XPO7: variants seen among roughly 807,000 people sequenced by gnomAD.
XPO7 encodes exportin 7.
XPO7 carries 21 observed loss-of-function variants against 144.3 expected under a neutral mutation model. That is an observed-to-expected ratio of 0.15 (90% CI 0.10 to 0.21). The LOEUF is 0.21. Among genes scored for constraint, XPO7 ranks in the 10% least tolerant of loss-of-function variants. XPO7 has a pLI of 1.00. For synonymous variants in XPO7, 580 were observed against 499.6 expected (o/e 1.16, Z -2.15); for missense variants, 808 against 1,325.8 (o/e 0.61, Z 6.06).
chr8:21,933,866 A>G (rs1810734963), intron 1 of XPO7, among the ~76,000 whole-genome samples: 1 of 152,184 alleles, frequency 6.6e-6, no homozygotes. Flanking sequence ...AGTAAAAAGA[A>G]TTTATACCCC....
intron 1 of XPO7, chr8:21,921,776 G>T (rs1810296696): frequency 6.6e-6 from 1 of 152,210 alleles, no homozygotes; most frequent in African/African-American, 2.4e-5. Context: ...GCTGCAATCT[G>T]TTGGTCTAAA....
At chr8:21,950,981 AGTTGGG>A (rs1811351207) in intron 1 of XPO7, among the ~76,000 whole-genome samples, 1 of 151,906 alleles carries the variant, frequency 6.6e-6, no homozygotes, top group South Asian at 2.1e-4. Context: ...AAAAAAAATT[AGTTGGG>A]CGCGGTAGTG....
intron 1 of XPO7, among the ~76,000 whole-genome samples, chr8:21,932,977 G>A (rs1006788834): frequency 3.5e-4 from 53 of 152,140 alleles, no homozygotes; most frequent in Non-Finnish European, 2.2e-4. Flanking sequence ...GTGTTTCTAC[G>A]GGCAAGGAAA....
chr8:21,998,836 T>C lies in XPO7; in HGVS notation c.2427T>C (p.Tyr809=), dbSNP rs1237545566. 5 of 1,613,844 alleles carry C rather than the reference T, an allele frequency of 3.1e-6. No individual in the cohort carries two copies. The South Asian group carries it at 3.3e-5, about 11-fold the overall frequency. Residue 809 remains tyrosine, a splice_region_variant and synonymous_variant, in exon 22 of 28, where the codon TAT becomes TAC. Coordinates refer to ENST00000252512, the MANE Select transcript of XPO7 (RefSeq NM_015024.5). ...AAACCAGCAAGATGATAACAATGTATGGTAAGTGCTTCAGATAATCATGCC... is the reference window on the plus strand; with the variant it reads ...AAACCAGCAAGATGATAACAATGTACGGTAAGTGCTTCAGATAATCATGCC... ...FRETSKMITM[Y]GNRILTLGEV... is the part of the protein sequence containing the mutation.
chr8:21,965,478 T>G (rs1811852964), intron 1 of XPO7, among the ~76,000 whole-genome samples: 1 of 152,222 alleles, frequency 6.6e-6, no homozygotes, highest in Non-Finnish European at 1.5e-5. Context: ...AGAGATTAAG[T>G]GGGACCCCTG....
chr8:21,999,282 T>C lies in XPO7; in HGVS notation c.2620T>C (p.Ser874Pro), dbSNP rs1157200640. ...ALQTFIKLLL[S>P]IPHSDLLDYP... ...GCAGACCTTCATCAAGCTGCTCCTC[T>C]CTATTCCTCACAGTGATCTCTTGGT... Residue 874 changes from serine to proline, a missense_variant, in exon 23 of 28, where the codon TCT becomes CCT. By Grantham distance (74) the Ser-to-Pro change is moderately conservative (BLOSUM62 -1). This residue lies in a region of XPO7 where 416 missense variants were observed against 612.5 expected (regional missense o/e 0.68). Transcript: ENST00000252512. 1.2e-6 allele frequency: 2 copies of C among 1,613,080 alleles called. No individual in the cohort carries two copies.
intron 16 of XPO7, among the ~76,000 whole-genome samples, chr8:21,989,514 A>G (rs943149198): frequency 2.0e-5 from 3 of 152,322 alleles, no homozygotes; most frequent in East Asian, 3.9e-4. Context: ...TAGGTCTGCT[A>G]TAAAGTTTGA....
chr8:21,928,611 T>G (rs1810538807), intron 1 of XPO7, among the ~76,000 whole-genome samples: 1 of 152,242 alleles, frequency 6.6e-6, no homozygotes, highest in African/African-American at 2.4e-5. Flanking sequence ...AGTTTGTACT[T>G]CTTTGATGAC....
chr8:21,991,907 T>G lies in XPO7; in HGVS notation c.2081T>G (p.Leu694Arg). The G allele has an allele frequency of 6.2e-7, 1 of 1,613,530 alleles. No homozygotes were observed. Among genetic ancestry groups the G allele is most frequent in the Non-Finnish European group, 8.5e-7 (1 of 1,179,780 alleles). ...EDQYEQFMLP[L>R]TAAFEAVAQM... ...CAGTATGAGCAGTTCATGCTGCCAC[T>G]CACAGCAGCATTTGAGGCTGTGGCC... The change falls in exon 19 of 28, where the codon CTC (leucine) becomes CGC (arginine). Residue 694 changes from leucine (L) to arginine (R), a missense_variant. Physicochemically the swap from Leu to Arg is moderately radical, Grantham distance 102 (BLOSUM62 -2). Transcript: ENST00000252512.
At chr8:21,935,740 T>C (rs1048820621) in intron 1 of XPO7, among the ~76,000 whole-genome samples, 7 of 152,230 alleles carry the variant, frequency 4.6e-5, no homozygotes, top group African/African-American at 1.2e-4. Flanking sequence ...AGTTTTCTTA[T>C]ATATAAAATG....
Position 21,982,796 on chromosome 8 carries a change from G to C in XPO7, c.1261G>C (p.Val421Leu). 1 of 1,608,002 alleles carries C rather than the reference G, an allele frequency of 6.2e-7. No individual in the cohort carries two copies. The highest frequency in any genetic ancestry group is 8.5e-7 in the Non-Finnish European group (1 of 1,178,136). ...CTACATCACATCCCGGTTGGAATCT[G>C]TGCACATCATACTGAGGTAAGGAAA... ...KAYITSRLESVHIILRDGLED... is the reference protein window; with the variant it reads ...KAYITSRLESLHIILRDGLED... Residue 421 changes from valine (V) to leucine (L), a missense_variant, in exon 11 of 28, where the codon GTG becomes CTG. Physicochemically the swap from Val to Leu is conservative, Grantham distance 32 (BLOSUM62 1). Transcript: ENST00000252512.
intron 13 of XPO7, 142 bp downstream of exon 13, chr8:21,985,833 A>G (rs769872197): frequency 7.5e-6 from 5 of 667,118 alleles, no homozygotes; most frequent in African/African-American, 3.6e-5. Flanking sequence ...TGTAAGTGCC[A>G]TGATAACTCT....
intron 1 of XPO7, among the ~76,000 whole-genome samples, chr8:21,928,801 A>G (rs919372301): frequency 6.6e-6 from 1 of 152,252 alleles, no homozygotes; most frequent in Non-Finnish European, 1.5e-5. Context: ...CATGATAATT[A>G]TATGAAATTC....
chr8:22,000,616 C>A (rs1337251997), intron 24 of XPO7, among the ~76,000 whole-genome samples: 1 of 152,006 alleles, frequency 6.6e-6, no homozygotes. Context: ...CCATGCCTGG[C>A]TAATTTTTTT....
intron 2 of XPO7, among the ~76,000 whole-genome samples, chr8:21,967,319 C>A (rs577684093): frequency 3.9e-5 from 6 of 152,174 alleles, no homozygotes; most frequent in East Asian, 1.9e-4. Flanking sequence ...AGATAAATGA[C>A]CTTTGTGTTT....
At chr8:21,928,374 T>A (rs1329293270) in intron 1 of XPO7, among the ~76,000 whole-genome samples, 1 of 152,240 alleles carries the variant, frequency 6.6e-6, no homozygotes, top group African/African-American at 2.4e-5. Flanking sequence ...TTTTAGTCAT[T>A]GTGAATAAAG....
intron 1 of XPO7, among the ~76,000 whole-genome samples, chr8:21,946,588 A>C (rs9644079): frequency 6.9e-6 from 1 of 144,114 alleles, no homozygotes; most frequent in East Asian, 2.1e-4. Flanking sequence ...AAAAAAAACA[A>C]AAAAAAAAAA....
At chr8:21,999,331 ATCTTGT>A in intron 23 of XPO7, 26 bp downstream of exon 23, 1 of 1,610,370 alleles carries the variant, frequency 6.2e-7, no homozygotes, top group Non-Finnish European at 8.5e-7. Context: ...CATTGCCACA[ATCTTGT>A]TCCTCATCAC....
At chr8:22,001,158 T>C (rs1292922474) in intron 24 of XPO7, among the ~76,000 whole-genome samples, 1 of 151,936 alleles carries the variant, frequency 6.6e-6, no homozygotes, top group Non-Finnish European at 1.5e-5. Context: ...GTACAAAAAT[T>C]AGCTCGGCGT....
Sources: allele counts gnomAD v4.1 joint callset (sites outside exome capture counted in the v4.1 genomes callset), GRCh38; gene constraint gnomAD v4.1.1; regional missense constraint gnomAD v4.1.1; transcripts MANE v1.5; gene names NCBI Gene and HGNC (gene_info 2026-07-23, HGNC 2026-07-21).